PHC3: variants seen among roughly 807,000 people sequenced by gnomAD.
PHC3 encodes polyhomeotic homolog 3.
PHC3 carries 13 observed loss-of-function variants against 107.4 expected under a neutral mutation model. The ratio of observed to expected loss-of-function variants is 0.12; its 90% CI spans 0.08 to 0.19. The LOEUF (loss-of-function observed/expected upper bound fraction) is 0.19. Ranked by LOEUF, PHC3 falls within the 10% of genes least tolerant of loss-of-function variation. PHC3 has a pLI of 1.00. For missense variants in PHC3, 992 were observed against 1,210.9 expected, an observed-to-expected ratio of 0.82 and a Z score of 2.68; for synonymous variants, 456 against 427.4, an observed-to-expected ratio of 1.07 and a Z score of -0.83.
intron 11 of PHC3, 60 bp from the exon 12 acceptor site, chr3:170,107,006 T>C (rs1158883348): frequency 8.1e-7 from 1 of 1,241,546 alleles, no homozygotes; most frequent in Non-Finnish European, 1.1e-6. Flanking sequence ...GCAAATTTTC[T>C]TTAAGTCTAT....
At chr3:170,118,662 C>G (rs961955810) in intron 9 of PHC3, among the ~76,000 whole-genome samples, 1 of 152,122 alleles carries the variant, frequency 6.6e-6, no homozygotes, top group Admixed American at 6.5e-5. Context: ...CCACCCGCCT[C>G]GGCCTGCCAA....
intron 8 of PHC3, among the ~76,000 whole-genome samples, chr3:170,125,319 C>T (rs1438275127): frequency 6.6e-6 from 1 of 152,070 alleles, no homozygotes; most frequent in African/African-American, 2.4e-5. Flanking sequence ...AAAATCTAGT[C>T]CCCAAGGGCA....
chr3:170,102,882 G>A lies in PHC3; in HGVS notation c.2521C>T (p.Pro841Ser), dbSNP rs999704054. The A allele has an allele frequency of 4.8e-5, 78 of 1,613,548 alleles. No individual in the cohort carries two copies. The highest frequency in any genetic ancestry group is 6.4e-5 in the Non-Finnish European group (75 of 1,179,728). Reference sequence around the variant, plus strand: ...CGATGCCCAAGACTTTGATTATCAGGCTTACGATTCCAACGACTAAGTGCA... The same window carrying A: ...CGATGCCCAAGACTTTGATTATCAGACTTACGATTCCAACGACTAAGTGCA... ...KFALSRWNRK[P>S]DNQSLGHRGR... is the part of the protein sequence containing the mutation. Residue 841 changes from proline to serine, a missense_variant, in exon 13 of 15, where the codon CCT (proline) becomes TCT (serine). Around this residue, in one of 6 missense-constraint regions of PHC3, gnomAD observed 228 missense variants for 288.8 expected, o/e 0.79. Transcript: ENST00000495893.
chr3:170,148,786 T>C (rs1560096813), intron 5 of PHC3: 1 of 198,546 alleles, frequency 5.0e-6, no homozygotes, highest in Non-Finnish European at 1.0e-5. Context: ...TCACAGATAT[T>C]AAAATATGAA....
chr3:170,162,603 T>C (rs1728068588), intron 4 of PHC3, among the ~76,000 whole-genome samples: 1 of 152,216 alleles, frequency 6.6e-6, no homozygotes, highest in Non-Finnish European at 1.5e-5. Flanking sequence ...ATGATCCAAA[T>C]TGCCAATATC....
intron 11 of PHC3, among the ~76,000 whole-genome samples, chr3:170,112,201 T>C (rs1163286844): frequency 6.6e-6 from 1 of 152,092 alleles, no homozygotes; most frequent in Non-Finnish European, 1.5e-5. Context: ...CCACTTGGAC[T>C]TCTATTTACT....
At chr3:170,102,376 A>C in intron 14 of PHC3, 103 bp downstream of exon 14, 6 of 1,508,966 alleles carry the variant, frequency 4.0e-6, no homozygotes, top group Non-Finnish European at 5.3e-6. Context: ...ACATATACAC[A>C]GTACTTCTCT....
At chr3:170,131,440 T>C (rs1722250508) in intron 7 of PHC3, among the ~76,000 whole-genome samples, 1 of 152,184 alleles carries the variant, frequency 6.6e-6, no homozygotes, top group African/African-American at 2.4e-5. Context: ...TAAATAGATT[T>C]TTTTGCAAGC....
chr3:170,097,428 C>T lies in PHC3; in HGVS notation c.2834-44G>A. 1.9e-6 allele frequency: 3 copies of T among 1,577,486 alleles called. No homozygotes were observed. The highest frequency in any genetic ancestry group is 1.3e-5 in the African/African-American group (1 of 74,482). Reference sequence around the variant, plus strand: ...ACAGAAGTTAGAATTAAATATACAACAATTAGACATTACTCCTAACAGTCA... The same window carrying T: ...ACAGAAGTTAGAATTAAATATACAATAATTAGACATTACTCCTAACAGTCA... On this transcript the variant is annotated intron_variant, in intron 14 of 14. Transcript: ENST00000495893. This position sits in a 1 kb window ranked among gnomAD's most constrained non-coding sequence, Gnocchi z 4.1.
rs1725507463 is a variant in PHC3 at position 170,149,264 on chromosome 3, A to C, written c.415-20T>G. On this transcript the variant is annotated intron_variant, in intron 4 of 14. Transcript: ENST00000495893. ...GTTGATCTAAGGAAGAAAACATATT[A>C]GGTCATAGGCTTCCATTTCTTGCTT... 6.3e-7 allele frequency: 1 copy of C among 1,588,026 alleles called. No homozygotes were observed. Among genetic ancestry groups the C allele is most frequent in the Admixed American group, 1.8e-5 (1 of 56,026 alleles).
chr3:170,151,271 A>G (rs1363947791), intron 4 of PHC3, among the ~76,000 whole-genome samples: 1 of 152,172 alleles, frequency 6.6e-6, no homozygotes, highest in Non-Finnish European at 1.5e-5. Flanking sequence ...CCAACCTCAA[A>G]TCATTTTGTG....
At chr3:170,145,799 G>A (rs1444625263) in intron 5 of PHC3, among the ~76,000 whole-genome samples, 6 of 152,188 alleles carry the variant, frequency 3.9e-5, no homozygotes, top group Non-Finnish European at 8.8e-5. Flanking sequence ...GAAATTCTCA[G>A]ACCAAATTGT....
At chr3:170,098,274 A>C (rs1714911655) in intron 14 of PHC3, among the ~76,000 whole-genome samples, 1 of 152,172 alleles carries the variant, frequency 6.6e-6, no homozygotes, top group South Asian at 2.1e-4. Flanking sequence ...CTGAGATGAG[A>C]GAATATAAAA....
intron 1 of PHC3, among the ~76,000 whole-genome samples, chr3:170,179,377 T>C (rs1731030254): frequency 6.6e-6 from 1 of 152,240 alleles, no homozygotes; most frequent in African/African-American, 2.4e-5. Flanking sequence ...TAGAACAGAA[T>C]GCCTAGGGAC....
rs79098732 is a variant in PHC3 at position 170,087,659 on chromosome 3, A to C, written c.*9571T>G. 1 of 152,194 alleles carries C rather than the reference A, an allele frequency of 6.6e-6. No homozygotes were observed. Among genetic ancestry groups the C allele is most frequent in the Non-Finnish European group, 1.5e-5 (1 of 68,014 alleles). The allele number at this position is 152,194 out of a possible 1,614,324, so 9.4% of individuals were successfully genotyped here. Reference sequence around the variant, plus strand: ...ACAATATATTATTGTAATATAAACAATATAAATAAATGATCCTGTAGGCCC... The same window carrying C: ...ACAATATATTATTGTAATATAAACACTATAAATAAATGATCCTGTAGGCCC... On this transcript the variant is annotated 3_prime_UTR_variant, in exon 15 of 15. Transcript: ENST00000495893.
chr3:170,111,317 G>GGAAGGAAGGAAC (rs1553779856), intron 11 of PHC3, among the ~76,000 whole-genome samples: 15 of 107,516 alleles, frequency 1.4e-4, no homozygotes, highest in South Asian at 6.1e-4. Context: ...AAGGAAGGAA[G>GGAAGGAAGGAAC]GAACGAACGA....
At position 170,117,216 on chromosome 3, in the gene PHC3, T is replaced by C. The variant is rs1425302366; in HGVS notation, c.2193+10A>G. 3.7e-6 allele frequency: 6 copies of C among 1,613,842 alleles called. No individual in the cohort carries two copies. The highest frequency in any genetic ancestry group is 1.1e-5 in the South Asian group (1 of 91,094). ...TTACAAACACACACACAAATATGCT[T>C]GCTACTTACAGGAAATGGCTCCAAT... On this transcript the variant is annotated intron_variant, in intron 10 of 14. Coordinates refer to ENST00000495893, the MANE Select transcript of PHC3 (RefSeq NM_024947.4).
intron 4 of PHC3, among the ~76,000 whole-genome samples, chr3:170,157,433 G>A (rs1727066917): frequency 6.6e-6 from 1 of 152,158 alleles, no homozygotes; most frequent in Admixed American, 6.6e-5. Context: ...TTTCTGTACT[G>A]TTGGAATATT....
chr3:170,166,120 T>C (rs1310128344), intron 4 of PHC3, among the ~76,000 whole-genome samples: 4 of 151,568 alleles, frequency 2.6e-5, no homozygotes, highest in Non-Finnish European at 4.4e-5. Flanking sequence ...TCTCGGCTCA[T>C]TGCAACCTCC....
Sources: allele counts gnomAD v4.1 joint callset (sites outside exome capture counted in the v4.1 genomes callset), GRCh38; gene constraint gnomAD v4.1.1; regional missense constraint gnomAD v4.1.1; non-coding constraint Gnocchi (gnomAD v3.1); transcripts MANE v1.5; gene names NCBI Gene and HGNC (gene_info 2026-07-23, HGNC 2026-07-21).